The following ALDH8A1 variants were observed in gnomAD, a reference collection of about 807,000 sequenced individuals.
The protein encoded by ALDH8A1 is 2-aminomuconic semialdehyde dehydrogenase.
ALDH8A1 carries 39 observed loss-of-function variants against 43.3 expected under a neutral mutation model. The observed-to-expected ratio is 0.90, with a 90% CI of 0.70 to 1.18. The LOEUF (loss-of-function observed/expected upper bound fraction) is 1.18, where lower values mean the gene tolerates loss of function less well. Among genes scored for constraint, ALDH8A1 ranks in the 50% most tolerant of loss-of-function variants. The pLI is 0.00. For synonymous variants in ALDH8A1, 233 were observed against 243.5 expected (o/e 0.96, Z 0.40); for missense variants, 605 against 622.6 (o/e 0.97, Z 0.30).
At chr6:134,939,911 T>C (rs971585860) in intron 3 of ALDH8A1, among the ~76,000 whole-genome samples, 3 of 152,220 alleles carry the variant, frequency 2.0e-5, no homozygotes, top group Non-Finnish European at 4.4e-5. Context: ...AACGAGATCA[T>C]GTCCTTTGCA....
chr6:134,941,637 A>T (rs2114704903), intron 3 of ALDH8A1, among the ~76,000 whole-genome samples: 1 of 152,018 alleles, frequency 6.6e-6, no homozygotes, highest in African/African-American at 2.4e-5. Flanking sequence ...CGATCCGCCA[A>T]TCTTGGCCTC....
At chr6:134,947,125 G>T (rs978899680) in intron 1 of ALDH8A1, among the ~76,000 whole-genome samples, 1 of 152,146 alleles carries the variant, frequency 6.6e-6, no homozygotes, top group South Asian at 2.1e-4. Flanking sequence ...AATATGCATT[G>T]GTGAAAACAT....
In ALDH8A1 at chr6:134,950,020, T is replaced by C. The variant is rs1774018486; in HGVS notation, c.34A>G (p.Asn12Asp). Residue 12 changes from asparagine (N) to aspartate (D), a missense_variant, in exon 1 of 7, where the codon AAC (asparagine) becomes GAC (aspartate). Transcript: ENST00000265605. ...GGTAAAAATTTTCCATCTATGAAGT[T>C]TTCCAGCATCAAAAGTGCGTTTGTT... ...AGTNALLMLE[N>D]FIDGKFLPCS... is the part of the protein sequence containing the mutation. The C allele has an allele frequency of 6.2e-7, 1 of 1,612,924 alleles. No individual in the cohort carries two copies. Among genetic ancestry groups the C allele is most frequent in the Non-Finnish European group, 8.5e-7 (1 of 1,179,490 alleles).
At chr6:134,940,763 C>T (rs1773838843) in intron 3 of ALDH8A1, among the ~76,000 whole-genome samples, 2 of 152,228 alleles carry the variant, frequency 1.3e-5, no homozygotes, top group Admixed American at 1.3e-4. Context: ...TCCCTCAAGC[C>T]TGTGCTATGA....
intron 6 of ALDH8A1, among the ~76,000 whole-genome samples, chr6:134,922,481 G>A (rs1466083469): frequency 5.3e-5 from 8 of 151,244 alleles, no homozygotes; most frequent in South Asian, 2.1e-4. Context: ...TCTGCCTCCC[G>A]GGTGCAAGCG....
At chr6:134,918,901 T>C (rs771919232) in intron 6 of ALDH8A1, 34 bp from the exon 7 acceptor site, 3 of 1,595,838 alleles carry the variant, frequency 1.9e-6, no homozygotes, top group Non-Finnish European at 2.6e-6. Flanking sequence ...AGCAATGTCT[T>C]ACCATGTGGC....
chr6:134,919,025 G>C (rs1370746908), intron 6 of ALDH8A1, among the ~76,000 whole-genome samples, 158 bp from the exon 7 acceptor site: 1 of 152,198 alleles, frequency 6.6e-6, no homozygotes, highest in East Asian at 1.9e-4. Flanking sequence ...CTAAGCCAGA[G>C]GGCAGAGGCG....
Position 134,942,269 on chromosome 6 carries a change from C to A in ALDH8A1, c.442+140G>T, listed in dbSNP as rs1773869006. ...CAAAGAAAATAAACTAGAAATAGAT[C>A]TTTGAGGCCAATGGATTTTAGAAAA... On this transcript the variant is annotated intron_variant, in intron 3 of 6. Coordinates refer to ENST00000265605, the MANE Select transcript of ALDH8A1 (RefSeq NM_022568.4). 1.0e-5 allele frequency: 11 copies of A among 1,081,312 alleles called. No homozygotes were observed. In the South Asian group the frequency reaches 2.0e-4, roughly 19 times the overall value. 67.0% of individuals were successfully genotyped at this position (1,081,312 alleles called of 1,614,324 possible).
At chr6:134,932,634 G>T in intron 5 of ALDH8A1, 142 bp downstream of exon 5, 2 of 1,197,848 alleles carry the variant, frequency 1.7e-6, no homozygotes, top group Non-Finnish European at 2.3e-6. Context: ...AGAGAGTTAA[G>T]GGAATCACAC....
chr6:134,937,584 T>C (rs1773764943), intron 4 of ALDH8A1, among the ~76,000 whole-genome samples: 1 of 152,202 alleles, frequency 6.6e-6, no homozygotes, highest in South Asian at 2.1e-4. Flanking sequence ...CTGGGAAAGA[T>C]AACTCATCAT....
At chr6:134,932,043 T>A (rs138142550) in intron 5 of ALDH8A1, among the ~76,000 whole-genome samples, 107 of 152,360 alleles carry the variant, frequency 7.0e-4, no homozygotes, top group African/African-American at 2.4e-3. Flanking sequence ...AATAAAAATA[T>A]CCTTTGAAGA....
intron 4 of ALDH8A1, among the ~76,000 whole-genome samples, chr6:134,937,731 G>A (rs541336330): frequency 6.6e-6 from 1 of 152,320 alleles, no homozygotes; most frequent in Admixed American, 6.5e-5. Flanking sequence ...ACCAGGCAGG[G>A]AAGAAGTATG....
chr6:134,919,847 A>G (rs1186326942), intron 6 of ALDH8A1, among the ~76,000 whole-genome samples: 1 of 152,202 alleles, frequency 6.6e-6, no homozygotes, highest in Admixed American at 6.5e-5. Context: ...TCCATGTAAA[A>G]TAGAGGTAAT....
At position 134,918,859 on chromosome 6, in the gene ALDH8A1, A is replaced by T; in HGVS notation, c.1020T>A (p.Ser340Arg). ...CTTCAGCAAGAGCTCTCTTGACGTA[A>T]CTTCTGACCTGCGTGGGTAAAAATC... ...ISKAHLEKVRSYVKRALAEGA... is the reference protein window; with the variant it reads ...ISKAHLEKVRRYVKRALAEGA... Residue 340 changes from serine (S) to arginine (R), a missense_variant, in exon 7 of 7, where the codon AGT becomes AGA. Physicochemically the swap from Ser to Arg is moderately radical, Grantham distance 110. Coordinates refer to ENST00000265605, the MANE Select transcript of ALDH8A1 (RefSeq NM_022568.4). 1 of 1,612,972 alleles carries T rather than the reference A, an allele frequency of 6.2e-7. No individual in the cohort carries two copies. The highest frequency in any genetic ancestry group is 8.5e-7 in the Non-Finnish European group (1 of 1,179,022).
chr6:134,941,671 T>C (rs1365988381), intron 3 of ALDH8A1, among the ~76,000 whole-genome samples: 1 of 151,864 alleles, frequency 6.6e-6, no homozygotes, highest in Non-Finnish European at 1.5e-5. Flanking sequence ...ATTACAGGCA[T>C]GAGCCACCGC....
intron 1 of ALDH8A1, among the ~76,000 whole-genome samples, chr6:134,944,934 A>C (rs2114710140): frequency 6.7e-6 from 1 of 148,222 alleles, no homozygotes; most frequent in Non-Finnish European, 1.5e-5. Flanking sequence ...TATATAGTAT[A>C]TATAGTATGT....
At chr6:134,936,365 G>A (rs1246994979) in intron 4 of ALDH8A1, among the ~76,000 whole-genome samples, 1 of 152,234 alleles carries the variant, frequency 6.6e-6, no homozygotes, top group Non-Finnish European at 1.5e-5. Flanking sequence ...GGCACCATGT[G>A]AGAGCACCCC....
chr6:134,920,515 G>A (rs1277604234), intron 6 of ALDH8A1, among the ~76,000 whole-genome samples: 1 of 152,174 alleles, frequency 6.6e-6, no homozygotes, highest in Non-Finnish European at 1.5e-5. Flanking sequence ...CACCCCACGA[G>A]GAGTACCTGG....
At position 134,918,708 on chromosome 6, in the gene ALDH8A1, C is replaced by G; in HGVS notation, c.1171G>C (p.Glu391Gln). 1 of 1,614,194 alleles carries G rather than the reference C, an allele frequency of 6.2e-7. No individual in the cohort carries two copies. Among genetic ancestry groups the G allele is most frequent in the Non-Finnish European group, 8.5e-7 (1 of 1,180,044 alleles). Residue 391 changes from glutamate (E) to glutamine (Q), a missense_variant, in exon 7 of 7, where the codon GAG becomes CAG. Physicochemically the swap from Glu to Gln is conservative, Grantham distance 29 (BLOSUM62 2). Transcript: ENST00000265605. ...ACACACGTCACTGGACCAAATATCT[C>G]TTCCGTCATGCAGCAGGATTCATCC... is the stretch of plus-strand genomic sequence containing the variant. ...IKDESCCMTE[E>Q]IFGPVTCVVP...
Sources: gnomAD v4.1 joint callset for allele counts (sites outside exome capture counted in the v4.1 genomes callset) on GRCh38, gnomAD v4.1.1 for gene constraint, MANE v1.5 for transcripts, NCBI Gene and HGNC (gene_info 2026-07-23, HGNC 2026-07-21) for gene names.